The following TPRG1 variants were observed in gnomAD, a reference collection of about 807,000 sequenced individuals.
TPRG1 encodes the protein tumor protein p63 regulated 1.
A neutral mutation model predicts 29.3 loss-of-function variants in TPRG1; 29 were observed. That is an observed-to-expected ratio of 0.99 (90% CI 0.74 to 1.35). TPRG1 has a LOEUF of 1.35. Ranked by LOEUF, TPRG1 falls within the 40% of genes most tolerant of loss-of-function variation. TPRG1 has a pLI of 0.00. For synonymous variants in TPRG1, 130 were observed against 116.8 expected (o/e 1.11, Z -0.73); for missense variants, 327 against 335.0 (o/e 0.98, Z 0.19).
intron 4 of TPRG1, among the ~76,000 whole-genome samples, chr3:189,082,061 G>A (rs1309157145): frequency 6.6e-6 from 1 of 152,172 alleles, no homozygotes; most frequent in Non-Finnish European, 1.5e-5. Context: ...GTTGTCTGAG[G>A]TGGAACAAGA....
At chr3:189,146,113 G>A (rs1235513049) in intron 3 of TPRG1, among the ~76,000 whole-genome samples, 1 of 152,176 alleles carries the variant, frequency 6.6e-6, no homozygotes, top group Non-Finnish European at 1.5e-5. Flanking sequence ...TGATCTGTGT[G>A]GCTTGTGGAA....
At chr3:189,265,747 AT>A (rs1713951597) in intron 4 of TPRG1, among the ~76,000 whole-genome samples, 1 of 152,096 alleles carries the variant, frequency 6.6e-6, no homozygotes. Flanking sequence ...TGTGGATGTA[AT>A]ACTACAGCCA....
chr3:189,266,647 T>C (rs1025028517), intron 4 of TPRG1, among the ~76,000 whole-genome samples: 1 of 152,246 alleles, frequency 6.6e-6, no homozygotes, highest in Non-Finnish European at 1.5e-5. Context: ...GCTGAAGGCA[T>C]GTATAAGATG....
chr3:189,055,729 C>T (rs969411094), intron 4 of TPRG1, among the ~76,000 whole-genome samples: 3 of 152,064 alleles, frequency 2.0e-5, no homozygotes, highest in African/African-American at 7.2e-5. Flanking sequence ...TAAAATTCCA[C>T]CCAAAGCTAG....
chr3:189,133,213 A>T (rs1421654609), intron 3 of TPRG1, among the ~76,000 whole-genome samples: 2 of 152,176 alleles, frequency 1.3e-5, no homozygotes, highest in Admixed American at 1.3e-4. Context: ...AGATCTGGAA[A>T]GAGTTTGAAT....
chr3:189,218,368 G>A (rs773953906), intron 3 of TPRG1, among the ~76,000 whole-genome samples: 21 of 152,012 alleles, frequency 1.4e-4, no homozygotes, highest in African/African-American at 4.6e-4. Flanking sequence ...CGCCTGCCTC[G>A]GCCTCCCAAA....
intron 1 of TPRG1, among the ~76,000 whole-genome samples, chr3:189,182,631 A>C (rs1379249640): frequency 6.6e-6 from 1 of 152,128 alleles, no homozygotes; most frequent in Non-Finnish European, 1.5e-5. Context: ...ACTGAAAAAG[A>C]AATTAAGGCT....
At chr3:189,061,689 C>T (rs1249834516) in intron 4 of TPRG1, among the ~76,000 whole-genome samples, 1 of 151,840 alleles carries the variant, frequency 6.6e-6, no homozygotes. Flanking sequence ...ATTTAAAAAG[C>T]ACAATATTAC....
intron 1 of TPRG1, among the ~76,000 whole-genome samples, chr3:189,189,499 T>C (rs980043518): frequency 1.3e-5 from 2 of 152,142 alleles, no homozygotes; most frequent in Non-Finnish European, 2.9e-5. Flanking sequence ...TATACTTGGA[T>C]TTGCCCCTGG....
intron 4 of TPRG1, among the ~76,000 whole-genome samples, chr3:189,091,810 A>G (rs189061076): frequency 1.4e-4 from 22 of 152,152 alleles, no homozygotes; most frequent in Admixed American, 7.2e-4. Flanking sequence ...TGTGTCTTGT[A>G]TCTTCTGTGT....
chr3:189,033,017 G>A (rs937032723), intron 4 of TPRG1, among the ~76,000 whole-genome samples: 2 of 151,962 alleles, frequency 1.3e-5, no homozygotes, highest in African/African-American at 4.8e-5. Flanking sequence ...CCGTGCACAC[G>A]ATTCAGACAG....
intron 3 of TPRG1, among the ~76,000 whole-genome samples, chr3:189,229,852 C>T (rs1738352543): frequency 6.6e-6 from 1 of 152,154 alleles, no homozygotes; most frequent in Non-Finnish European, 1.5e-5. Context: ...GCTGTGTCCC[C>T]TCTACCATAC....
At chr3:189,137,474 G>C (rs1268528447) in intron 3 of TPRG1, among the ~76,000 whole-genome samples, 2 of 152,100 alleles carry the variant, frequency 1.3e-5, no homozygotes, top group Non-Finnish European at 2.9e-5. Context: ...AATGCAGCAG[G>C]GTGTCCTTAA....
chr3:189,292,180 T>G (rs987360862), intron 4 of TPRG1, among the ~76,000 whole-genome samples: 1 of 152,162 alleles, frequency 6.6e-6, no homozygotes, highest in African/African-American at 2.4e-5. Flanking sequence ...AGCATCAGTG[T>G]AGGGACTCTA....
intron 1 of TPRG1, among the ~76,000 whole-genome samples, chr3:189,122,647 C>T (rs1156809248): frequency 6.6e-6 from 1 of 152,146 alleles, no homozygotes; most frequent in Admixed American, 6.5e-5. Flanking sequence ...CGTTGTGAAA[C>T]AAAAGCCCAG....
intron 4 of TPRG1, among the ~76,000 whole-genome samples, chr3:189,298,357 A>G (rs892346000): frequency 6.6e-6 from 1 of 152,192 alleles, no homozygotes; most frequent in Non-Finnish European, 1.5e-5. Context: ...AAATGCTTTA[A>G]ACCAGTGATG....
intron 5 of TPRG1, among the ~76,000 whole-genome samples, chr3:189,152,094 A>C (rs1726012114): frequency 6.6e-6 from 1 of 152,162 alleles, no homozygotes. Flanking sequence ...GAGCTAGAGC[A>C]CAAGGCTCTT....
At chr3:189,277,267 A>G (rs899678052) in intron 4 of TPRG1, among the ~76,000 whole-genome samples, 8 of 152,178 alleles carry the variant, frequency 5.3e-5, no homozygotes, top group African/African-American at 1.9e-4. Flanking sequence ...TCCAAACATA[A>G]TTATCAAGCT....
intron 1 of TPRG1, among the ~76,000 whole-genome samples, chr3:188,997,505 T>G (rs918358639): frequency 2.6e-5 from 4 of 152,184 alleles, no homozygotes; most frequent in Non-Finnish European, 5.9e-5. Context: ...AACGTTTTGA[T>G]CTTCTAGAGT....
Sources: gnomAD v4.1 joint callset for allele counts (sites outside exome capture counted in the v4.1 genomes callset) on GRCh38, gnomAD v4.1.1 for gene constraint, MANE v1.5 for transcripts, NCBI Gene and HGNC (gene_info 2026-07-23, HGNC 2026-07-21) for gene names.